Variants in EFR3A observed in about 807,000 individuals in gnomAD.
EFR3A encodes EFR3 homolog A.
EFR3A carries 76 observed loss-of-function variants against 104.4 expected under a neutral mutation model. The ratio of observed to expected loss-of-function variants is 0.73; its 90% CI spans 0.60 to 0.88. EFR3A has a LOEUF of 0.88. Among genes scored for constraint, EFR3A ranks in the 40% least tolerant of loss-of-function variants. The pLI, the probability that EFR3A is intolerant of heterozygous loss-of-function variation, is 0.00. For synonymous variants in EFR3A, 330 were observed against 330.0 expected, an observed-to-expected ratio of 1.00 and a Z score of 0.00; for missense variants, 985 against 1,012.5, an observed-to-expected ratio of 0.97 and a Z score of 0.37.
intron 7 of EFR3A, among the ~76,000 whole-genome samples, chr8:131,956,456 T>C (rs926361189): frequency 6.6e-6 from 1 of 152,212 alleles, no homozygotes; most frequent in Non-Finnish European, 1.5e-5. Context: ...CACATAGATA[T>C]GGTCTCTCAA....
intron 10 of EFR3A, among the ~76,000 whole-genome samples, chr8:131,973,495 C>T (rs1820177703): frequency 6.6e-6 from 1 of 152,046 alleles, no homozygotes; most frequent in Admixed American, 6.6e-5. Flanking sequence ...TGTGATACAG[C>T]ACATTCAGAA....
intron 8 of EFR3A, among the ~76,000 whole-genome samples, chr8:131,964,334 G>A (rs1047221191): frequency 2.0e-5 from 3 of 152,118 alleles, no homozygotes; most frequent in Admixed American, 1.3e-4. Flanking sequence ...CATCATCTCA[G>A]CCCAAAATCT....
At chr8:131,971,523 C>T (rs1427264874) in intron 10 of EFR3A, among the ~76,000 whole-genome samples, 1 of 151,988 alleles carries the variant, frequency 6.6e-6, no homozygotes, top group Non-Finnish European at 1.5e-5. Flanking sequence ...CCCGTCTCTA[C>T]TAAGAATACA....
chr8:131,957,431 A>G lies in EFR3A; in HGVS notation c.776+1526A>G, dbSNP rs1255626548. ...AATGGCATGATCTTGGCTCACCACA[A>G]CCTCTGCCTCCTGGGTTCCAGTGAT... On this transcript the variant is annotated intron_variant, in intron 7 of 22. Coordinates refer to ENST00000254624, the MANE Select transcript of EFR3A (RefSeq NM_015137.6). Among the ~76,000 whole-genome samples the G allele has an allele frequency of 2.0e-5, 3 of 150,420 alleles. No homozygotes were observed. In the Admixed American group the frequency reaches 2.0e-4, roughly 10 times the overall value.
chr8:132,013,178 A>C lies in EFR3A; in HGVS notation c.*2283A>C, dbSNP rs1822437220. 6.6e-6 allele frequency: 1 copy of C among 152,282 alleles called. No homozygotes were observed. The highest frequency in any genetic ancestry group is 1.5e-5 in the Non-Finnish European group (1 of 68,036). 9.4% of individuals were successfully genotyped at this position (152,282 alleles called of 1,614,324 possible). ...TTTTTGTAGATAAATAAAACTCAAT[A>C]AATTGTTAATCATTCTCTTTTTGCT... On this transcript the variant is annotated 3_prime_UTR_variant, in exon 23 of 23. Transcript: ENST00000254624.
At chr8:131,925,916 A>G (rs955898508) in intron 1 of EFR3A, among the ~76,000 whole-genome samples, 1 of 152,130 alleles carries the variant, frequency 6.6e-6, no homozygotes, top group Non-Finnish European at 1.5e-5. Context: ...TGCCAGGCTA[A>G]TGTTGGTATT....
intron 4 of EFR3A, among the ~76,000 whole-genome samples, chr8:131,947,759 A>G (rs1157744232): frequency 2.0e-5 from 3 of 152,112 alleles, no homozygotes; most frequent in Admixed American, 6.6e-5. Flanking sequence ...CACATTTTGC[A>G]TGTGGATATT....
At chr8:131,912,260 G>A (rs1200665356) in intron 1 of EFR3A, among the ~76,000 whole-genome samples, 4 of 152,272 alleles carry the variant, frequency 2.6e-5, no homozygotes, top group Non-Finnish European at 4.4e-5. Flanking sequence ...TACTTCCTAC[G>A]ACCTGCATGG....
chr8:131,957,404 G>A (rs1168696530), intron 7 of EFR3A, among the ~76,000 whole-genome samples: 1 of 148,726 alleles, frequency 6.7e-6, no homozygotes, highest in Non-Finnish European at 1.5e-5. Flanking sequence ...AGGCTGGAGT[G>A]CAATGGCATG....
intron 18 of EFR3A, among the ~76,000 whole-genome samples, chr8:131,991,491 A>G (rs1821179203): frequency 6.6e-6 from 1 of 152,186 alleles, no homozygotes; most frequent in Non-Finnish European, 1.5e-5. Flanking sequence ...TTTTGGAGAT[A>G]AACCTCTTGT....
chr8:131,934,575 T>A (rs1020531198), intron 1 of EFR3A, among the ~76,000 whole-genome samples: 5 of 152,122 alleles, frequency 3.3e-5, no homozygotes, highest in African/African-American at 9.7e-5. Flanking sequence ...TAGTTGTCAT[T>A]TGAAGCATAG....
At chr8:132,010,407 GAT>G (rs66644698) in intron 22 of EFR3A, among the ~76,000 whole-genome samples, 5,666 of 80,848 alleles carry the variant, frequency 0.07, 143 homozygotes, top group Non-Finnish European at 0.091. Flanking sequence ...TCAAGTATGA[GAT>G]ATATATATAT....
intron 7 of EFR3A, among the ~76,000 whole-genome samples, chr8:131,957,117 CTTAAGT>C (rs1249055621): frequency 6.6e-6 from 1 of 151,928 alleles, no homozygotes. Flanking sequence ...TTAAATTAAT[CTTAAGT>C]AAATATGTGA....
chr8:131,979,651 TTC>T (rs1820506491), intron 14 of EFR3A, among the ~76,000 whole-genome samples: 1 of 152,140 alleles, frequency 6.6e-6, no homozygotes, highest in Non-Finnish European at 1.5e-5. Flanking sequence ...TCTAAATTTC[TTC>T]TCTGAGTAAA....
At chr8:131,959,047 A>G (rs947091605) in intron 7 of EFR3A, among the ~76,000 whole-genome samples, 2 of 152,188 alleles carry the variant, frequency 1.3e-5, no homozygotes, top group African/African-American at 4.8e-5. Context: ...TCCTGAACCC[A>G]TGGTCTAGAT....
chr8:131,910,346 A>G (rs992679570), intron 1 of EFR3A, among the ~76,000 whole-genome samples: 3 of 151,340 alleles, frequency 2.0e-5, no homozygotes, highest in Non-Finnish European at 4.4e-5. Flanking sequence ...ATCTCGGCTC[A>G]CTGCAACCTC....
Position 131,946,492 on chromosome 8 carries a change from G to A in EFR3A, c.225G>A (p.Leu75=). ...DVVRHRSGYV[L]IAMEALDQLL... is the part of the protein sequence containing the mutation. The stretch of plus-strand genomic sequence containing the variant: ...TTTCTCCTACATGTAGGTATGTTTT[G>A]ATTGCTATGGAGGCACTGGACCAAC... Residue 75 remains leucine (L), a synonymous_variant, in exon 4 of 23, where the codon TTG becomes TTA. Coordinates refer to ENST00000254624, the MANE Select transcript of EFR3A (RefSeq NM_015137.6). The A allele has an allele frequency of 6.3e-7, 1 of 1,578,456 alleles. No individual in the cohort carries two copies. Among genetic ancestry groups the A allele is most frequent in the Non-Finnish European group, 8.6e-7 (1 of 1,163,768 alleles).
At chr8:131,993,874 T>C (rs1821338178) in intron 18 of EFR3A, among the ~76,000 whole-genome samples, 1 of 152,040 alleles carries the variant, frequency 6.6e-6, no homozygotes, top group Non-Finnish European at 1.5e-5. Flanking sequence ...AAGTGGGAGC[T>C]GAATGATGAG....
chr8:131,975,412 A>G (rs199610053), intron 10 of EFR3A, among the ~76,000 whole-genome samples: 6 of 111,158 alleles, frequency 5.4e-5, no homozygotes, highest in African/African-American at 2.1e-4. Flanking sequence ...TTTTTTTCCT[A>G]TTTTTTTTTT....
Sources: gnomAD v4.1 joint callset for allele counts (sites outside exome capture counted in the v4.1 genomes callset) on GRCh38, gnomAD v4.1.1 for gene constraint, MANE v1.5 for transcripts, NCBI Gene and HGNC (gene_info 2026-07-23, HGNC 2026-07-21) for gene names.